CDC42EP3: variants seen among roughly 807,000 people sequenced by gnomAD.
The protein encoded by CDC42EP3 is CDC42 effector protein 3, also known as CDC42 effector protein (Rho GTPase binding) 3.
In CDC42EP3, 4 loss-of-function variants were observed where a neutral mutation model predicts 15.5. The ratio of observed to expected loss-of-function variants is 0.26; its 90% CI spans 0.13 to 0.59. The LOEUF (loss-of-function observed/expected upper bound fraction) is 0.59, where lower values mean the gene tolerates loss of function less well. Ranked by LOEUF, CDC42EP3 falls within the 20% of genes least tolerant of loss-of-function variation. CDC42EP3 has a pLI of 0.89. For missense variants in CDC42EP3, 309 were observed against 311.2 expected (o/e 0.99, Z 0.05); for synonymous variants, 145 against 130.3 (o/e 1.11, Z -0.77).
At chr2:37,662,718 C>G (rs965719989) in intron 1 of CDC42EP3, among the ~76,000 whole-genome samples, 14 of 152,134 alleles carry the variant, frequency 9.2e-5, no homozygotes, top group African/African-American at 3.4e-4. Flanking sequence ...TTACACTAAA[C>G]TTAATAGAAG....
chr2:37,656,444 C>T (rs1665847583), intron 1 of CDC42EP3, among the ~76,000 whole-genome samples: 2 of 152,194 alleles, frequency 1.3e-5, no homozygotes, highest in East Asian at 3.8e-4. Flanking sequence ...TGACTTGCTC[C>T]CGGGGGCCAA....
chr2:37,665,498 A>C (rs573197408), intron 1 of CDC42EP3, among the ~76,000 whole-genome samples: 3 of 152,222 alleles, frequency 2.0e-5, no homozygotes, highest in Non-Finnish European at 2.9e-5. Flanking sequence ...TTGAGAAATC[A>C]AACACATTCT....
In CDC42EP3 at chr2:37,645,915, A is replaced by C. The variant is rs141661783; in HGVS notation, c.673T>G (p.Ser225Ala). The C allele has an allele frequency of 9.8e-5, 158 of 1,613,180 alleles. 1 individual carries two copies. The African/African-American group carries it at 1.8e-3, about 18-fold the overall frequency. ...KGKTKSEESL[S>A]DLTGSLLSLQ... ...GAGAGGAGGGAACCTGTAAGGTCAG[A>C]GAGGGACTCCTCTGACTTAGTCTTT... The change falls in exon 2 of 2, where the codon TCT becomes GCT. Residue 225 changes from serine (S) to alanine (A), a missense_variant. Ser to Ala is a moderately conservative substitution (Grantham distance 99). Transcript: ENST00000295324.
intron 1 of CDC42EP3, among the ~76,000 whole-genome samples, chr2:37,667,667 T>G (rs564360493): frequency 4.5e-4 from 69 of 152,310 alleles, no homozygotes; most frequent in African/African-American, 1.6e-3. Context: ...ATAAAATAAT[T>G]TACATAGTGT....
At chr2:37,664,535 C>A (rs1013857803) in intron 1 of CDC42EP3, among the ~76,000 whole-genome samples, 2 of 151,830 alleles carry the variant, frequency 1.3e-5, no homozygotes, top group African/African-American at 2.4e-5. Context: ...TTAGTCTTGT[C>A]CCTCTAGAGA....
At chr2:37,654,843 T>C (rs1665798403) in intron 1 of CDC42EP3, among the ~76,000 whole-genome samples, 1 of 152,222 alleles carries the variant, frequency 6.6e-6, no homozygotes, top group African/African-American at 2.4e-5. Context: ...TACTACAATG[T>C]GGACGCTCAT....
intron 1 of CDC42EP3, among the ~76,000 whole-genome samples, chr2:37,649,445 C>CAAAAA (rs57232687): frequency 4.2e-5 from 2 of 48,154 alleles, no homozygotes; most frequent in Admixed American, 3.5e-4. Context: ...GGCCTTGTCT[C>CAAAAA]AAAAAAAAAA....
intron 1 of CDC42EP3, among the ~76,000 whole-genome samples, chr2:37,658,055 G>GTC (rs2091054595): frequency 6.6e-6 from 1 of 152,080 alleles, no homozygotes; most frequent in South Asian, 2.1e-4. Flanking sequence ...CTGAACCCCT[G>GTC]TCTTAAATGT....
intron 1 of CDC42EP3, among the ~76,000 whole-genome samples, chr2:37,659,986 G>A (rs1430854692): frequency 6.6e-6 from 1 of 152,158 alleles, no homozygotes; most frequent in African/African-American, 2.4e-5. Context: ...CCTGTAAGAC[G>A]CAGAAGCCCT....
intron 1 of CDC42EP3, among the ~76,000 whole-genome samples, chr2:37,669,233 T>TA (rs577020049): frequency 0.32 from 38,610 of 121,222 alleles, 6,621 homozygotes; most frequent in East Asian, 0.55. Flanking sequence ...ATGGCCTGGC[T>TA]AAAAAAAAAA....
intron 1 of CDC42EP3, among the ~76,000 whole-genome samples, chr2:37,668,035 T>A (rs1666298271): frequency 6.6e-6 from 1 of 152,264 alleles, no homozygotes; most frequent in Non-Finnish European, 1.5e-5. Context: ...TATACTATGT[T>A]GTTTTTTATA....
In CDC42EP3 at chr2:37,665,046, A is replaced by T. The variant is rs547782558; in HGVS notation, c.-236+6380T>A. ...ACCTCCGTAACAAACCTGCACATGT[A>T]GCCCCGGACCTAAAAGTTAGGCCTA... On this transcript the variant is annotated intron_variant, in intron 1 of 1. Transcript: ENST00000295324. 1.7e-4 allele frequency among the ~76,000 whole-genome samples: 26 copies of T among 152,210 alleles called. 1 individual carries two copies. The South Asian group carries it at 5.0e-3, about 29-fold the overall frequency.
chr2:37,650,114 G>T (rs1050317410), intron 1 of CDC42EP3, among the ~76,000 whole-genome samples: 3 of 152,162 alleles, frequency 2.0e-5, no homozygotes, highest in African/African-American at 7.2e-5. Context: ...TTGTGCTGCT[G>T]GGAAAGTATC....
At chr2:37,667,380 G>A (rs1398879434) in intron 1 of CDC42EP3, among the ~76,000 whole-genome samples, 1 of 152,156 alleles carries the variant, frequency 6.6e-6, no homozygotes, top group Non-Finnish European at 1.5e-5. Flanking sequence ...TCAAGGAGGG[G>A]ATTGTCCACA....
chr2:37,663,561 G>A (rs1666148195), intron 1 of CDC42EP3, among the ~76,000 whole-genome samples: 1 of 152,166 alleles, frequency 6.6e-6, no homozygotes, highest in Non-Finnish European at 1.5e-5. Context: ...GGTTCCAGCA[G>A]GGGCTTGACC....
intron 1 of CDC42EP3, among the ~76,000 whole-genome samples, chr2:37,658,796 T>C (rs1192792426): frequency 2.0e-5 from 3 of 152,170 alleles, no homozygotes; most frequent in Non-Finnish European, 4.4e-5. Context: ...CCCCATGATC[T>C]TTCTCCTGCA....
At chr2:37,649,725 G>C (rs1284275027) in intron 1 of CDC42EP3, among the ~76,000 whole-genome samples, 1 of 152,060 alleles carries the variant, frequency 6.6e-6, no homozygotes, top group Non-Finnish European at 1.5e-5. Flanking sequence ...CCAGCCACAG[G>C]CACCAGCACC....
In CDC42EP3 at chr2:37,663,725, G is replaced by A. The variant is rs144243137; in HGVS notation, c.-236+7701C>T. On this transcript the variant is annotated intron_variant, in intron 1 of 1. Transcript: ENST00000295324. ...AGTGTGGTGGTTAATACTGAGTGTC[G>A]ACTTGATGGAAGGATGCAAAGTATT... Among the ~76,000 whole-genome samples the A allele has an allele frequency of 4.4e-4, 67 of 152,292 alleles. 1 individual carries two copies. Among genetic ancestry groups the A allele is most frequent in the African/African-American group, 1.5e-3 (62 of 41,568 alleles).
At chr2:37,658,180 T>G (rs967247809) in intron 1 of CDC42EP3, among the ~76,000 whole-genome samples, 1 of 152,222 alleles carries the variant, frequency 6.6e-6, no homozygotes, top group African/African-American at 2.4e-5. Context: ...TCAACCCACA[T>G]GCATCTACTT....
Sources: gnomAD v4.1 joint callset for allele counts (sites outside exome capture counted in the v4.1 genomes callset) on GRCh38, gnomAD v4.1.1 for gene constraint, MANE v1.5 for transcripts, NCBI Gene and HGNC (gene_info 2026-07-23, HGNC 2026-07-21) for gene names.